The following CYRIB variants were observed in gnomAD, a reference collection of about 807,000 sequenced individuals.
CYRIB encodes the protein CYFIP-related Rac1 interactor B.
In CYRIB, 8 loss-of-function variants were observed where a neutral mutation model predicts 44.2. The ratio of observed to expected loss-of-function variants is 0.18; its 90% confidence interval spans 0.11 to 0.33. The LOEUF is 0.33. CYRIB is among the 10% of genes least tolerant of loss of function. The pLI, the probability that CYRIB is intolerant of heterozygous loss-of-function variation, is 1.00. For missense variants in CYRIB, 185 were observed against 382.8 expected, an observed-to-expected ratio of 0.48 and a Z score of 4.31; for synonymous variants, 131 against 127.2, an observed-to-expected ratio of 1.03 and a Z score of -0.20.
intron 9 of CYRIB, 121 bp from the exon 12 acceptor site, chr8:129,849,490 T>C (rs2042127683): frequency 1.0e-6 from 1 of 958,422 alleles, no homozygotes; most frequent in Non-Finnish European, 1.5e-6. Context: ...ATTAGTTGAA[T>C]GCAGTATGTT....
rs528960263 is a variant in CYRIB, at chr8:129,909,988, G to A, written c.-49-6638C>T. ...AGACTGGAGTGGTGGGCAAGTTAGC[G>A]AAAGACATCACCTCAGGGGATGCCT... On this transcript the variant is annotated intron_variant, in intron 1 of 11. Coordinates refer to ENST00000519824, the Ensembl canonical transcript of CYRIB. Among the ~76,000 whole-genome samples, 223 of 152,334 alleles carry A rather than the reference G, an allele frequency of 1.5e-3. 1 individual carries two copies. Among genetic ancestry groups the A allele is most frequent in the African/African-American group, 5.1e-3 (213 of 41,584 alleles).
At chr8:129,935,235 T>G (rs564112978) in intron 1 of CYRIB, among the ~76,000 whole-genome samples, 5 of 152,352 alleles carry the variant, frequency 3.3e-5, no homozygotes, top group Non-Finnish European at 4.4e-5. Flanking sequence ...TCAGGTTAAT[T>G]TGGATTATCT....
chr8:129,982,711 T>C (rs2096283627), intron 1 of CYRIB, among the ~76,000 whole-genome samples: 1 of 152,170 alleles, frequency 6.6e-6, no homozygotes, highest in Non-Finnish European at 1.5e-5. Context: ...CAAATATATG[T>C]CCAAATGCGA....
At chr8:129,979,973 C>G (rs539954810) in intron 1 of CYRIB, among the ~76,000 whole-genome samples, 3 of 151,410 alleles carry the variant, frequency 2.0e-5, no homozygotes, top group Non-Finnish European at 2.9e-5. Context: ...ACTCATAAAC[C>G]CTTAAACATG....
intron 1 of CYRIB, among the ~76,000 whole-genome samples, chr8:129,925,408 A>ATG (rs1554647314): frequency 6.6e-6 from 1 of 152,016 alleles, no homozygotes; most frequent in Non-Finnish European, 1.5e-5. Flanking sequence ...TAATAATAAT[A>ATG]ATGATGACAA....
intron 7 of CYRIB, among the ~76,000 whole-genome samples, chr8:129,853,047 A>G (rs981603054): frequency 6.6e-6 from 1 of 152,196 alleles, no homozygotes; most frequent in Non-Finnish European, 1.5e-5. Context: ...TGACTGCCAG[A>G]AAGAGTGGGA....
chr8:129,910,367 T>C (rs913548457), intron 1 of CYRIB, among the ~76,000 whole-genome samples: 1 of 152,202 alleles, frequency 6.6e-6, no homozygotes, highest in Admixed American at 6.5e-5. Flanking sequence ...ATCAAGGTCT[T>C]TATACCTAGT....
intron 4 of CYRIB, among the ~76,000 whole-genome samples, chr8:129,866,887 T>A (rs1201552189): frequency 6.6e-6 from 1 of 152,252 alleles, no homozygotes; most frequent in East Asian, 1.9e-4. Flanking sequence ...TAATTTACTC[T>A]GTTTGATAAG....
chr8:129,993,590 G>C (rs1265318865), intron 1 of CYRIB, among the ~76,000 whole-genome samples: 1 of 151,872 alleles, frequency 6.6e-6, no homozygotes, highest in East Asian at 1.9e-4. Flanking sequence ...CCAGCTACTC[G>C]GGAGGCTGAG....
chr8:129,978,966 A>C (rs2096083408), intron 1 of CYRIB, among the ~76,000 whole-genome samples: 1 of 151,942 alleles, frequency 6.6e-6, no homozygotes, highest in Admixed American at 6.6e-5. Context: ...TGAAACCTCC[A>C]TCTCGTACTA....
chr8:129,919,401 T>G lies in CYRIB; in HGVS notation c.-49-16051A>C, dbSNP rs139140565. The stretch of plus-strand genomic sequence containing the variant: ...TTACAGACTCCCAATAGGCCAGACA[T>G]TCTATGTATGGCAAAGTACAAAATG... On this transcript the variant is annotated intron_variant, in intron 1 of 11. Coordinates refer to ENST00000519824, the Ensembl canonical transcript of CYRIB. 2.1e-3 allele frequency among the ~76,000 whole-genome samples: 326 copies of G among 152,330 alleles called. 1 individual carries two copies. Among genetic ancestry groups the G allele is most frequent in the African/African-American group, 7.4e-3 (309 of 41,564 alleles).
chr8:129,964,017 G>T (rs1212781863), intron 2 of CYRIB, among the ~76,000 whole-genome samples: 2 of 152,170 alleles, frequency 1.3e-5, no homozygotes, highest in African/African-American at 2.4e-5. Context: ...ATGATCAAGG[G>T]AAGGGGAAGA....
intron 4 of CYRIB, among the ~76,000 whole-genome samples, chr8:129,866,180 T>G (rs2053449735): frequency 6.6e-6 from 1 of 152,182 alleles, no homozygotes; most frequent in East Asian, 1.9e-4. Flanking sequence ...TCCTTATCAT[T>G]CAACAAAGCT....
At chr8:129,891,226 G>T (rs559955556) in intron 2 of CYRIB, among the ~76,000 whole-genome samples, 3 of 152,146 alleles carry the variant, frequency 2.0e-5, no homozygotes, top group Non-Finnish European at 4.4e-5. Context: ...TGCTTCTTGT[G>T]GTTTCTATTA....
rs577831134 is a variant in CYRIB at position 129,992,070 on chromosome 8, C to T, written c.-295-21075G>A. On this transcript the variant is annotated intron_variant, in intron 1 of 14. Transcript: ENST00000401979. ...GTGGTTCACGCCCGTAATCCCAGCA[C>T]TTTGGGAGGCCTGGCTGAGGCATGC... Among the ~76,000 whole-genome samples the T allele has an allele frequency of 6.9e-4, 105 of 151,092 alleles. 1 individual carries two copies. The highest frequency in any genetic ancestry group is 2.5e-3 in the African/African-American group (103 of 41,108).
At chr8:129,982,685 C>G (rs952536534) in intron 1 of CYRIB, among the ~76,000 whole-genome samples, 1 of 152,194 alleles carries the variant, frequency 6.6e-6, no homozygotes, top group Non-Finnish European at 1.5e-5. Flanking sequence ...CAGGATTTCT[C>G]TAGAAGCAAC....
At chr8:129,900,469 C>G (rs542417587) in intron 2 of CYRIB, among the ~76,000 whole-genome samples, 1 of 152,282 alleles carries the variant, frequency 6.6e-6, no homozygotes, top group East Asian at 1.9e-4. Flanking sequence ...GGACATCATT[C>G]TAGGCTCTTT....
intron 1 of CYRIB, among the ~76,000 whole-genome samples, chr8:129,989,583 G>A (rs1284435064): frequency 6.6e-6 from 1 of 151,814 alleles, no homozygotes; most frequent in Non-Finnish European, 1.5e-5. Flanking sequence ...ACAACCAGAA[G>A]TCACTCCCAC....
intron 1 of CYRIB, among the ~76,000 whole-genome samples, chr8:129,971,868 G>T (rs1444807322): frequency 6.6e-6 from 1 of 152,172 alleles, no homozygotes; most frequent in Non-Finnish European, 1.5e-5. Context: ...TTAAAGAGAA[G>T]TTTCATAAAA....
Sources: allele counts gnomAD v4.1 joint callset (sites outside exome capture counted in the v4.1 genomes callset), GRCh38; gene constraint gnomAD v4.1.1; transcripts MANE v1.5; gene names NCBI Gene and HGNC (gene_info 2026-07-23, HGNC 2026-07-21).